The following DYNC1I2 variants were observed in gnomAD, a reference collection of about 807,000 sequenced individuals.
DYNC1I2 encodes dynein cytoplasmic 1 intermediate chain 2, also known as cytoplasmic dynein 1 intermediate chain 2.
DYNC1I2 carries 53 observed loss-of-function variants against 88.6 expected under a neutral mutation model. That is an observed-to-expected ratio of 0.60 (90% CI 0.48 to 0.75). The LOEUF (loss-of-function observed/expected upper bound fraction) is 0.75. DYNC1I2 is among the 30% of genes least tolerant of loss of function. The pLI, the probability that DYNC1I2 is intolerant of heterozygous loss-of-function variation, is 0.00. For synonymous variants in DYNC1I2, 198 were observed against 254.6 expected (o/e 0.78, Z 2.12); for missense variants, 458 against 766.6 (o/e 0.60, Z 4.75).
chr2:171,742,008 G>T (rs568591462), intron 15 of DYNC1I2, among the ~76,000 whole-genome samples: 1 of 150,912 alleles, frequency 6.6e-6, no homozygotes, highest in African/African-American at 2.4e-5. Context: ...CATGAACCCA[G>T]TGAGCTGAGA....
intron 6 of DYNC1I2, among the ~76,000 whole-genome samples, chr2:171,714,005 A>G (rs761140979): frequency 2.1e-4 from 32 of 152,158 alleles, no homozygotes; most frequent in Non-Finnish European, 4.1e-4. Context: ...GTATGCATTC[A>G]AGTTGGTAAT....
rs1042657409 is a variant in DYNC1I2 at position 171,689,006 on chromosome 2, TA to T, written c.-9-1129del. 5.6e-3 allele frequency among the ~76,000 whole-genome samples: 820 copies of T among 146,656 alleles called. 9 individuals are homozygous for T. Among genetic ancestry groups the T allele is most frequent in the Non-Finnish European group, 5.8e-3 (381 of 66,200 alleles). On this transcript the variant is annotated intron_variant, in intron 1 of 17. Coordinates refer to ENST00000397119, the MANE Select transcript of DYNC1I2 (RefSeq NM_001378.3). Reference sequence around the variant, plus strand: ...CCTTATGCTCAGCTGCTAGGCTACTTAAAAAAAAAAAATCCTAATTCATTAT... The same window carrying T: ...CCTTATGCTCAGCTGCTAGGCTACTTAAAAAAAAAAATCCTAATTCATTAT...
chr2:171,703,679 A>C (rs940053235), intron 3 of DYNC1I2, among the ~76,000 whole-genome samples: 7 of 152,222 alleles, frequency 4.6e-5, no homozygotes, highest in African/African-American at 1.7e-4. Context: ...GGGAAGGAAG[A>C]AATTAATATT....
intron 15 of DYNC1I2, among the ~76,000 whole-genome samples, chr2:171,732,290 C>T (rs1464415575): frequency 6.6e-6 from 1 of 152,122 alleles, no homozygotes; most frequent in African/African-American, 2.4e-5. Context: ...TTGAACCCAG[C>T]AGGAGGTTGC....
At chr2:171,713,465 G>A (rs1687270604) in intron 6 of DYNC1I2, among the ~76,000 whole-genome samples, 1 of 149,394 alleles carries the variant, frequency 6.7e-6, no homozygotes, top group Non-Finnish European at 1.5e-5. Context: ...TATTTTCTTA[G>A]TGAAACGTTA....
In DYNC1I2 at chr2:171,749,589, G is replaced by A. The variant is rs909499287; in HGVS notation, c.*1700G>A. ...AAATGACTAAAAGTAGGGAAAACAA[G>A]TGTTAAAACATAATGGATAAGAAAA... On this transcript the variant is annotated 3_prime_UTR_variant, in exon 18 of 18. Coordinates refer to ENST00000397119, the MANE Select transcript of DYNC1I2 (RefSeq NM_001378.3). Among the ~76,000 whole-genome samples the A allele has an allele frequency of 7.2e-5, 11 of 152,078 alleles. No individual in the cohort carries two copies. The highest frequency in any genetic ancestry group is 2.2e-4 in the African/African-American group (9 of 41,432).
chr2:171,735,381 T>C (rs1231611039), intron 15 of DYNC1I2, among the ~76,000 whole-genome samples: 2 of 152,162 alleles, frequency 1.3e-5, no homozygotes, highest in Non-Finnish European at 2.9e-5. Flanking sequence ...TCTGAAATGC[T>C]CCAGAATTCA....
At chr2:171,717,931 A>G (rs974354734) in intron 7 of DYNC1I2, among the ~76,000 whole-genome samples, 1 of 151,532 alleles carries the variant, frequency 6.6e-6, no homozygotes, top group Non-Finnish European at 1.5e-5. Context: ...TTATATCTAT[A>G]GTTATATCCA....
chr2:171,743,071 A>T (rs1689553473), intron 15 of DYNC1I2, among the ~76,000 whole-genome samples: 1 of 152,206 alleles, frequency 6.6e-6, no homozygotes, highest in South Asian at 2.1e-4. Context: ...AACTACTAAT[A>T]GCCTACTACT....
At chr2:171,693,242 C>G (rs1312286873) in intron 3 of DYNC1I2, among the ~76,000 whole-genome samples, 1 of 152,126 alleles carries the variant, frequency 6.6e-6, no homozygotes, top group African/African-American at 2.4e-5. Flanking sequence ...ATATTCCTTT[C>G]TGGAGATTAG....
At chr2:171,689,451 A>G (rs1685217911) in intron 1 of DYNC1I2, among the ~76,000 whole-genome samples, 1 of 152,194 alleles carries the variant, frequency 6.6e-6, no homozygotes, top group African/African-American at 2.4e-5. Context: ...AATTGGTAAT[A>G]GTTTTGATCT....
At chr2:171,722,718 G>A (rs372244137) in intron 7 of DYNC1I2, among the ~76,000 whole-genome samples, 4 of 152,028 alleles carry the variant, frequency 2.6e-5, no homozygotes, top group African/African-American at 9.7e-5. Flanking sequence ...CCAAATATTT[G>A]GTAAATTTGA....
intron 16 of DYNC1I2, among the ~76,000 whole-genome samples, chr2:171,745,157 A>G (rs1339609682): frequency 6.6e-6 from 1 of 152,188 alleles, no homozygotes; most frequent in African/African-American, 2.4e-5. Context: ...CTGAATCCAA[A>G]CACTGAATGT....
chr2:171,727,456 CACTTA>C (rs1364361428), intron 11 of DYNC1I2, among the ~76,000 whole-genome samples: 5 of 152,104 alleles, frequency 3.3e-5, no homozygotes, highest in Admixed American at 3.3e-4. Flanking sequence ...CTTGAGTAAA[CACTTA>C]ACTTGAATTA....
intron 7 of DYNC1I2, among the ~76,000 whole-genome samples, chr2:171,719,936 ACACTC>A (rs1330747051): frequency 6.6e-6 from 1 of 152,104 alleles, no homozygotes; most frequent in Non-Finnish European, 1.5e-5. Context: ...GCCCACAGAT[ACACTC>A]CTGGAAAAGT....
Position 171,692,914 on chromosome 2 carries a change from C to T in DYNC1I2, c.226+20C>T, listed in dbSNP as rs769376357. 1.3e-6 allele frequency: 2 copies of T among 1,515,334 alleles called. No individual in the cohort carries two copies. The highest frequency in any genetic ancestry group is 1.8e-6 in the Non-Finnish European group (2 of 1,107,408). 93.9% of individuals were successfully genotyped at this position (1,515,334 alleles called of 1,614,324 possible). On this transcript the variant is annotated intron_variant, in intron 3 of 17. Transcript: ENST00000397119. ...CCATTGGTAAGGTTAAGAATATATC[C>T]ATTTATAAGAGATAGGCATAGATTC...
intron 1 of DYNC1I2, chr2:171,687,849 T>G (rs1186386687): frequency 1.3e-5 from 2 of 152,708 alleles, no homozygotes; most frequent in African/African-American, 2.4e-5. Context: ...GCGGGAGGAC[T>G]CTTCCCCATC....
chr2:171,719,983 CTT>C (rs1017732427), intron 7 of DYNC1I2, among the ~76,000 whole-genome samples: 4 of 149,782 alleles, frequency 2.7e-5, no homozygotes, highest in African/African-American at 7.4e-5. Flanking sequence ...AGTTTTAACT[CTT>C]TTGAAAAAAT....
At position 171,725,904 on chromosome 2, in the gene DYNC1I2, T is replaced by C; in HGVS notation, c.608-15T>C. ...CTGACATAAATCATACTTCAAAAAATTATTTATTTTCCAGCTCCCCCTCAT... is the reference window on the plus strand; with the variant it reads ...CTGACATAAATCATACTTCAAAAAACTATTTATTTTCCAGCTCCCCCTCAT... On this transcript the variant is annotated splice_polypyrimidine_tract_variant and intron_variant, in intron 8 of 17. Coordinates refer to ENST00000397119, the MANE Select transcript of DYNC1I2 (RefSeq NM_001378.3). 2 of 1,557,236 alleles carry C rather than the reference T, an allele frequency of 1.3e-6. No homozygotes were observed. Among genetic ancestry groups the C allele is most frequent in the South Asian group, 2.5e-5 (2 of 80,270 alleles).
Sources: allele counts gnomAD v4.1 joint callset (sites outside exome capture counted in the v4.1 genomes callset), GRCh38; gene constraint gnomAD v4.1.1; transcripts MANE v1.5; gene names NCBI Gene and HGNC (gene_info 2026-07-23, HGNC 2026-07-21).